Variants in RUNX1 observed in about 807,000 individuals in gnomAD.
RUNX1 encodes RUNX family transcription factor 1, also known as runt-related transcription factor 1.
Under a neutral mutation model 42.8 loss-of-function variants are expected in RUNX1, and 19 were observed. That is an observed-to-expected ratio of 0.44 (90% CI 0.31 to 0.65). The LOEUF is 0.65. Ranked by LOEUF, RUNX1 falls within the 30% of genes least tolerant of loss-of-function variation. RUNX1 has a pLI of 0.07. For synonymous variants in RUNX1, 271 were observed against 289.4 expected (o/e 0.94, Z 0.64); for missense variants, 528 against 672.0 (o/e 0.79, Z 2.37).
At chr21:34,888,761 G>T in intron 3 of RUNX1, 2 of 894,106 alleles carry the variant, frequency 2.2e-6, no homozygotes, top group East Asian at 6.8e-5. Context: ...CCCTCAGCTC[G>T]TTTGCATAGG....
chr21:34,794,866 C>T lies in RUNX1; in HGVS notation c.968-2256G>A, dbSNP rs915420620. Among the ~76,000 whole-genome samples the T allele has an allele frequency of 3.3e-5, 5 of 152,140 alleles. No individual in the cohort carries two copies. In the South Asian group the frequency reaches 6.2e-4, roughly 19 times the overall value. On this transcript the variant is annotated intron_variant, in intron 8 of 8. Coordinates refer to ENST00000675419, the MANE Select transcript of RUNX1 (RefSeq NM_001754.5). ...TTTACCCATTAGGTGTTAGTAGCAT[C>T]GCCCGCCCCTCTTGTGACAACTCAG...
At chr21:34,885,607 TATAA>T (rs1005275426) in intron 4 of RUNX1, among the ~76,000 whole-genome samples, 2 of 152,226 alleles carry the variant, frequency 1.3e-5, no homozygotes. Flanking sequence ...GTGGAAACTG[TATAA>T]AGCTTAAAAA....
chr21:34,834,304 A>G (rs779142825), intron 7 of RUNX1, 106 bp downstream of exon 7: 6 of 1,184,366 alleles, frequency 5.1e-6, no homozygotes, highest in Non-Finnish European at 7.6e-6. Flanking sequence ...CTGAGCATCA[A>G]GGGGAAACCC....
At position 34,789,186 on chromosome 21, in the gene RUNX1, T is replaced by G. The variant is rs530382755; in HGVS notation, c.*2949A>C. On this transcript the variant is annotated 3_prime_UTR_variant, in exon 9 of 9. Transcript: ENST00000675419. ...GGCTGACAAACCATGTTCCTTTATG[T>G]GAAGGGGGAAGAACTGGACCTTCTT... The G allele has an allele frequency of 4.3e-6, 1 of 233,328 alleles. No homozygotes were observed. The highest frequency in any genetic ancestry group is 2.2e-5 in the African/African-American group (1 of 45,426). The allele number at this position is 233,328 out of a possible 1,614,324, so 14.5% of individuals were successfully genotyped here. A position where few individuals can be genotyped will look rare whatever the true frequency, so the allele number is the denominator to read the frequency against.
At chr21:34,943,158 G>A (rs1312677562) in intron 2 of RUNX1, among the ~76,000 whole-genome samples, 1 of 152,192 alleles carries the variant, frequency 6.6e-6, no homozygotes, top group Admixed American at 6.5e-5. Flanking sequence ...AAGCACAAAT[G>A]CTTCAGTGAA....
Position 34,791,922 on chromosome 21 carries a change from C to T in RUNX1, c.*213G>A. On this transcript the variant is annotated 3_prime_UTR_variant, in exon 9 of 9. Transcript: ENST00000675419. ...TCGGACACCTCCGCGAGGGCCGGGG[C>T]GCCAGCAGACGGCGGCGGCGTGGGC... is the stretch of plus-strand genomic sequence containing the variant. 3.2e-6 allele frequency: 1 copy of T among 317,058 alleles called. No individual in the cohort carries two copies. Among genetic ancestry groups the T allele is most frequent in the Admixed American group, 5.2e-5 (1 of 19,160 alleles). The allele number at this position is 317,058 out of a possible 1,614,324, so 19.6% of individuals were successfully genotyped here.
At chr21:34,877,870 A>G (rs1335327088) in intron 5 of RUNX1, among the ~76,000 whole-genome samples, 1 of 152,172 alleles carries the variant, frequency 6.6e-6, no homozygotes, top group Non-Finnish European at 1.5e-5. Flanking sequence ...TTCATTTTGC[A>G]CCACTTACTA....
chr21:34,864,092 G>A (rs543240299), intron 5 of RUNX1, among the ~76,000 whole-genome samples: 13 of 152,186 alleles, frequency 8.5e-5, no homozygotes, highest in East Asian at 1.9e-4. Context: ...AGTCAGCAAC[G>A]GGCGCACCTG....
intron 2 of RUNX1, among the ~76,000 whole-genome samples, chr21:34,951,896 T>A (rs1036895710): frequency 6.6e-6 from 1 of 152,212 alleles, no homozygotes; most frequent in African/African-American, 2.4e-5. Context: ...CAAAGGATTA[T>A]AAATCATTCT....
intron 2 of RUNX1, among the ~76,000 whole-genome samples, chr21:35,016,881 T>TTGTGTGTG (rs139916478): frequency 1.3e-5 from 2 of 149,340 alleles, no homozygotes; most frequent in South Asian, 2.1e-4. Flanking sequence ...TGTGTGCACA[T>TTGTGTGTG]TGTGTGTGTG....
At chr21:34,850,463 C>G (rs1368474619) in intron 6 of RUNX1, among the ~76,000 whole-genome samples, 1 of 152,212 alleles carries the variant, frequency 6.6e-6, no homozygotes, top group Non-Finnish European at 1.5e-5. Flanking sequence ...TTGCCTAGTA[C>G]AAGAATTCCG....
In RUNX1 at chr21:34,791,888, T is replaced by C. The variant is rs1366611814; in HGVS notation, c.*247A>G. The C allele has an allele frequency of 1.1e-5, 3 of 270,298 alleles. No homozygotes were observed. The highest frequency in any genetic ancestry group is 5.5e-5 in the East Asian group (1 of 18,176). The allele number at this position is 270,298 out of a possible 1,614,324, so 16.7% of individuals were successfully genotyped here. A position where few individuals can be genotyped will look rare whatever the true frequency, so the allele number is the denominator to read the frequency against. Reference sequence around the variant, plus strand: ...CTGGGGCCGGCGGACACCCTCGAGGTGCGTCGCCTCGGACACCTCCGCGAG... The same window carrying C: ...CTGGGGCCGGCGGACACCCTCGAGGCGCGTCGCCTCGGACACCTCCGCGAG... On this transcript the variant is annotated 3_prime_UTR_variant, in exon 9 of 9. Coordinates refer to ENST00000675419, the MANE Select transcript of RUNX1 (RefSeq NM_001754.5).
rs946348885 is a variant in RUNX1 at position 34,792,382 on chromosome 21, C to T, written c.1196G>A (p.Ser399Asn). ...SQAQGGPFQA[S>N]SPSYHLYYGA... is the part of the protein sequence containing the mutation. ...GTAGTACAGGTGGTAGGAGGGCGAG[C>T]TGGCTTGGAACGGGCCTCCCTGCGC... The change falls in exon 9 of 9, where the codon AGC (serine) becomes AAC (asparagine). Residue 399 changes from serine (S) to asparagine (N), a missense_variant. By Grantham distance (46) the Ser-to-Asn change is conservative. This residue lies in a region of RUNX1 where 331 missense variants were observed against 382.5 expected (regional missense o/e 0.87). Transcript: ENST00000675419. This position sits in a 1 kb window ranked among gnomAD's most constrained non-coding sequence, Gnocchi z 6.9. 1.6e-5 allele frequency: 25 copies of T among 1,566,260 alleles called. No homozygotes were observed. Among genetic ancestry groups the T allele is most frequent in the South Asian group, 3.5e-5 (3 of 85,386 alleles).
intron 2 of RUNX1, among the ~76,000 whole-genome samples, chr21:35,037,028 C>T (rs1215742974): frequency 6.6e-6 from 1 of 152,130 alleles, no homozygotes; most frequent in East Asian, 1.9e-4. Context: ...AAGAGATATA[C>T]CTGGGACACA....
chr21:34,884,024 T>C (rs762057524), intron 4 of RUNX1, among the ~76,000 whole-genome samples: 3 of 152,258 alleles, frequency 2.0e-5, no homozygotes, highest in Admixed American at 1.3e-4. Flanking sequence ...GTTTACGTCT[T>C]TGGACTCTGG....
intron 7 of RUNX1, among the ~76,000 whole-genome samples, chr21:34,806,313 TTGAA>T (rs1194938667): frequency 6.6e-6 from 1 of 152,154 alleles, no homozygotes; most frequent in African/African-American, 2.4e-5. Flanking sequence ...CTAACACTGA[TTGAA>T]AGAAAGCCAG....
At chr21:35,009,100 G>A (rs1349104049) in intron 2 of RUNX1, among the ~76,000 whole-genome samples, 1 of 152,188 alleles carries the variant, frequency 6.6e-6, no homozygotes, top group East Asian at 1.9e-4. Flanking sequence ...TGGTCTATCA[G>A]GAGGGAGGTC....
intron 2 of RUNX1, among the ~76,000 whole-genome samples, chr21:34,983,698 T>A (rs948792931): frequency 6.6e-5 from 10 of 152,166 alleles, no homozygotes; most frequent in Admixed American, 5.9e-4. Context: ...ACCATTGCAA[T>A]AGCTATAACT....
chr21:34,872,031 A>G (rs1361805023), intron 5 of RUNX1, among the ~76,000 whole-genome samples: 4 of 152,032 alleles, frequency 2.6e-5, no homozygotes, highest in African/African-American at 9.7e-5. Flanking sequence ...TTTAGTAGAG[A>G]TGGGGTTTCA....
Sources: allele counts gnomAD v4.1 joint callset (sites outside exome capture counted in the v4.1 genomes callset), GRCh38; gene constraint gnomAD v4.1.1; regional missense constraint gnomAD v4.1.1; non-coding constraint Gnocchi (gnomAD v3.1); transcripts MANE v1.5; gene names NCBI Gene and HGNC (gene_info 2026-07-23, HGNC 2026-07-21).